The following RHOT1 variants were observed in gnomAD, a reference collection of about 807,000 sequenced individuals.
RHOT1 encodes the protein ras homolog family member T1.
A neutral mutation model predicts 95.3 loss-of-function variants in RHOT1; 27 were observed. That is an observed-to-expected ratio of 0.28 (90% CI 0.21 to 0.39). The LOEUF is 0.39. Ranked by LOEUF, RHOT1 falls within the 10% of genes least tolerant of loss-of-function variation. The pLI is 1.00. For synonymous variants in RHOT1, 227 were observed against 263.5 expected, an observed-to-expected ratio of 0.86 and a Z score of 1.34; for missense variants, 578 against 786.7, an observed-to-expected ratio of 0.73 and a Z score of 3.17.
At chr17:32,218,676 T>A (rs1329733500) in intron 19 of RHOT1, among the ~76,000 whole-genome samples, 5 of 151,896 alleles carry the variant, frequency 3.3e-5, no homozygotes, top group Admixed American at 1.3e-4. Flanking sequence ...TAGCCAGGTA[T>A]GGTAGCACGC....
chr17:32,194,695 A>G (rs768833825), intron 11 of RHOT1, among the ~76,000 whole-genome samples: 3 of 152,184 alleles, frequency 2.0e-5, no homozygotes, highest in Non-Finnish European at 4.4e-5. Flanking sequence ...TTGGGAGTCA[A>G]GAGATCTCAG....
At chr17:32,207,128 C>A (rs1466830262) in intron 17 of RHOT1, 99 bp downstream of exon 17, 3 of 1,149,054 alleles carry the variant, frequency 2.6e-6, no homozygotes, top group Non-Finnish European at 3.7e-6. Context: ...GCAACAAAAT[C>A]ATGTGTATTT....
chr17:32,178,066 C>T (rs550862324), intron 6 of RHOT1, among the ~76,000 whole-genome samples: 2 of 151,966 alleles, frequency 1.3e-5, no homozygotes. Flanking sequence ...CTCAAGTGAT[C>T]CACCTGCCTT....
chr17:32,164,501 GA>G (rs1233801423), intron 1 of RHOT1, among the ~76,000 whole-genome samples: 1 of 151,936 alleles, frequency 6.6e-6, no homozygotes, highest in Non-Finnish European at 1.5e-5. Flanking sequence ...CAAAGTGCTA[GA>G]ATTACAGGCG....
chr17:32,194,494 A>G (rs1195874328), intron 11 of RHOT1, among the ~76,000 whole-genome samples: 1 of 152,018 alleles, frequency 6.6e-6, no homozygotes, highest in Non-Finnish European at 1.5e-5. Context: ...TGTCAGTGAC[A>G]CTTCCAGTTG....
chr17:32,151,287 C>G (rs532714149), intron 1 of RHOT1: 1 of 666,630 alleles, frequency 1.5e-6, no homozygotes, highest in South Asian at 1.4e-5. Flanking sequence ...CTCCATATTG[C>G]TGTAGTCCCA....
chr17:32,177,367 G>A (rs2035089289), intron 6 of RHOT1, among the ~76,000 whole-genome samples: 1 of 152,128 alleles, frequency 6.6e-6, no homozygotes, highest in African/African-American at 2.4e-5. Flanking sequence ...ATGTTGTATT[G>A]GACAGGGATG....
intron 6 of RHOT1, chr17:32,178,928 G>C (rs1324219936): frequency 1.3e-5 from 2 of 154,542 alleles, no homozygotes; most frequent in Admixed American, 6.7e-5. Flanking sequence ...CCCTGTCTGG[G>C]ATGTGAGGAG....
intron 1 of RHOT1, among the ~76,000 whole-genome samples, chr17:32,154,149 A>G (rs1378250329): frequency 6.6e-6 from 1 of 151,844 alleles, no homozygotes; most frequent in African/African-American, 2.4e-5. Flanking sequence ...AAAAAAAAAA[A>G]AGAGAAAAGG....
intron 16 of RHOT1, among the ~76,000 whole-genome samples, chr17:32,206,354 C>T (rs1453418338): frequency 1.3e-5 from 2 of 150,782 alleles, no homozygotes; most frequent in African/African-American, 4.9e-5. Flanking sequence ...TACAGGCACA[C>T]GTCACTGCAC....
chr17:32,172,790 A>G (rs141269003), intron 2 of RHOT1: 3,702 of 152,528 alleles, frequency 0.024, 65 homozygotes, highest in Non-Finnish European at 0.034. Flanking sequence ...AGATCGTGCC[A>G]TTGCACTCCA....
At chr17:32,181,336 G>T (rs981649377) in intron 6 of RHOT1, among the ~76,000 whole-genome samples, 7 of 152,018 alleles carry the variant, frequency 4.6e-5, no homozygotes, top group Admixed American at 3.3e-4. Flanking sequence ...TTAATCTTCT[G>T]TATCTTCTGA....
intron 19 of RHOT1, among the ~76,000 whole-genome samples, chr17:32,212,512 C>G (rs1391189860): frequency 1.3e-5 from 2 of 152,190 alleles, no homozygotes; most frequent in East Asian, 1.9e-4. Context: ...AAACAACACT[C>G]AGGTGCTCCA....
chr17:32,191,500 C>G (rs906096969), intron 8 of RHOT1, among the ~76,000 whole-genome samples: 1 of 152,056 alleles, frequency 6.6e-6, no homozygotes, highest in African/African-American at 2.4e-5. Flanking sequence ...AGTGTAGAAG[C>G]ATGTGGGCCT....
At chr17:32,198,718 A>T (rs1331253906) in intron 11 of RHOT1, among the ~76,000 whole-genome samples, 1 of 152,184 alleles carries the variant, frequency 6.6e-6, no homozygotes, top group Non-Finnish European at 1.5e-5. Flanking sequence ...GAATTTAAAA[A>T]AGAGAAAAAA....
At chr17:32,181,197 A>G (rs2035605486) in intron 6 of RHOT1, among the ~76,000 whole-genome samples, 2 of 152,176 alleles carry the variant, frequency 1.3e-5, no homozygotes, top group Admixed American at 1.3e-4. Flanking sequence ...ACAGTTCTCC[A>G]CTAGGTTGGT....
intron 1 of RHOT1, among the ~76,000 whole-genome samples, chr17:32,148,085 G>A (rs1388321219): frequency 2.0e-5 from 3 of 152,144 alleles, no homozygotes; most frequent in Admixed American, 6.5e-5. Context: ...CTAACACGGT[G>A]AAACCTCGTC....
intron 11 of RHOT1, among the ~76,000 whole-genome samples, chr17:32,195,179 T>A (rs1246187670): frequency 6.6e-6 from 1 of 151,162 alleles, no homozygotes; most frequent in Admixed American, 6.6e-5. Context: ...CACTGCAACC[T>A]CAAACTCCAT....
In RHOT1 at chr17:32,142,509, G is replaced by A. The variant is rs1453327736; in HGVS notation, c.-184G>A. 3 of 428,350 alleles carry A rather than the reference G, an allele frequency of 7.0e-6. No individual in the cohort carries two copies. Among genetic ancestry groups the A allele is most frequent in the Non-Finnish European group, 7.7e-6 (2 of 258,450 alleles). The allele number at this position is 428,350 out of a possible 1,614,324, so 26.5% of individuals were successfully genotyped here. A position where few individuals can be genotyped will look rare whatever the true frequency, so the allele number is the denominator to read the frequency against. On this transcript the variant is annotated 5_prime_UTR_variant, in exon 1 of 20. Coordinates refer to ENST00000545287, the MANE Select transcript of RHOT1 (RefSeq NM_001033566.3). Reference sequence around the variant, plus strand: ...GCCGCCGCCGCCGCCGCCACAGCCCGCTGGGCCGGAGGAGGCGGAGCTGGC... The same window carrying A: ...GCCGCCGCCGCCGCCGCCACAGCCCACTGGGCCGGAGGAGGCGGAGCTGGC...
Sources: allele counts gnomAD v4.1 joint callset (sites outside exome capture counted in the v4.1 genomes callset), GRCh38; gene constraint gnomAD v4.1.1; transcripts MANE v1.5; gene names NCBI Gene and HGNC (gene_info 2026-07-23, HGNC 2026-07-21).